The following NDUFB4 variants were observed in gnomAD, a reference collection of about 807,000 sequenced individuals.
NDUFB4 encodes NADH:ubiquinone oxidoreductase subunit B4.
In NDUFB4, 10 loss-of-function variants were observed where a neutral mutation model predicts 14.5. That is an observed-to-expected ratio of 0.69 (90% CI 0.43 to 1.17). The LOEUF is 1.17. Among genes scored for constraint, NDUFB4 ranks in the 50% most tolerant of loss-of-function variants. The pLI is 0.00. For synonymous variants in NDUFB4, 65 were observed against 63.4 expected, an observed-to-expected ratio of 1.03 and a Z score of -0.12; for missense variants, 165 against 161.1, an observed-to-expected ratio of 1.02 and a Z score of -0.13.
At chr3:120,599,976 A>T (rs906659053) in intron 1 of NDUFB4, among the ~76,000 whole-genome samples, 15 of 151,604 alleles carry the variant, frequency 9.9e-5, no homozygotes, top group Admixed American at 9.2e-4. Flanking sequence ...CTTTCATTTT[A>T]ATGTGGTGTG....
intron 1 of NDUFB4, among the ~76,000 whole-genome samples, chr3:120,597,050 CTATATATATGCATATATATTTTATA>C (rs1559772874): frequency 6.9e-6 from 1 of 144,336 alleles, no homozygotes; most frequent in Non-Finnish European, 1.5e-5. Flanking sequence ...ATATTATATT[CTATATATATGCATATATATTTTATA>C]TATATATATA....
At position 120,601,865 on chromosome 3, in the gene NDUFB4, G is replaced by A. The variant is rs947294490; in HGVS notation, c.328-343G>A. ...TGGTGAATGATCTACTTAACAGAAA[G>A]GTAGTCCACATTTTCCCAGAAAGTG... On this transcript the variant is annotated intron_variant, in intron 2 of 2. Coordinates refer to ENST00000184266, the MANE Select transcript of NDUFB4 (RefSeq NM_004547.6). 35 of 1,053,184 alleles carry A rather than the reference G, an allele frequency of 3.3e-5. No individual in the cohort carries two copies. In the African/African-American group the frequency reaches 6.0e-4, roughly 18 times the overall value. 65.2% of individuals were successfully genotyped at this position (1,053,184 alleles called of 1,614,324 possible). A position where few individuals can be genotyped will look rare whatever the true frequency, so the allele number is the denominator to read the frequency against.
At position 120,601,159 on chromosome 3, in the gene NDUFB4, T is replaced by C. The variant is rs752893094; in HGVS notation, c.229T>C (p.Tyr77His). 6.2e-7 allele frequency: 1 copy of C among 1,614,092 alleles called. No individual in the cohort carries two copies. The highest frequency in any genetic ancestry group is 1.1e-5 in the South Asian group (1 of 91,060). Residue 77 changes from tyrosine (Y) to histidine (H), a missense_variant, in exon 2 of 3, where the codon TAT (tyrosine) becomes CAT (histidine). Transcript: ENST00000184266. Reference protein sequence around the residue: ...RWAYARTINVYPNFRPTPKNS... With the variant: ...RWAYARTINVHPNFRPTPKNS... Reference sequence around the variant, plus strand: ...GGCCTATGCAAGAACAATAAATGTCTATCCTAATTTCAGACCCACTCCTAA... The same window carrying C: ...GGCCTATGCAAGAACAATAAATGTCCATCCTAATTTCAGACCCACTCCTAA...
chr3:120,596,979 A>C (rs372844939), intron 1 of NDUFB4, among the ~76,000 whole-genome samples: 1 of 146,104 alleles, frequency 6.8e-6, no homozygotes, highest in Admixed American at 6.8e-5. Flanking sequence ...TATATATTCT[A>C]TATATATGCA....
chr3:120,601,841 G>C, intron 2 of NDUFB4: 1 of 1,035,014 alleles, frequency 9.7e-7, no homozygotes, highest in African/African-American at 1.7e-5. Flanking sequence ...TTGATTATCT[G>C]GTGAATGATC....
chr3:120,601,165 A>G lies in NDUFB4; in HGVS notation c.235A>G (p.Asn79Asp). The G allele has an allele frequency of 6.2e-7, 1 of 1,613,996 alleles. No homozygotes were observed. Among genetic ancestry groups the G allele is most frequent in the Non-Finnish European group, 8.5e-7 (1 of 1,179,984 alleles). Reference protein sequence around the residue: ...AYARTINVYPNFRPTPKNSLM... With the variant: ...AYARTINVYPDFRPTPKNSLM... ...TGCAAGAACAATAAATGTCTATCCT[A>G]ATTTCAGACCCACTCCTAAAAACTC... The change falls in exon 2 of 3, where the codon AAT (asparagine) becomes GAT (aspartate). Residue 79 changes from asparagine to aspartate, a missense_variant. By Grantham distance (23) the Asn-to-Asp change is conservative (BLOSUM62 1). Transcript: ENST00000184266.
Position 120,596,532 on chromosome 3 carries a change from G to T in NDUFB4, c.173G>T (p.Gly58Val), listed in dbSNP as rs778211150. Residue 58 changes from glycine (G) to valine (V), a missense_variant, in exon 1 of 3, where the codon GGG becomes GTG. Physicochemically the swap from Gly to Val is moderately radical, Grantham distance 109. Transcript: ENST00000184266. Reference sequence around the variant, plus strand: ...CAGTACAACGATCCCAACCGCCGAGGGCTCATCGTGAGTGTGGGGCCTCCC... The same window carrying T: ...CAGTACAACGATCCCAACCGCCGAGTGCTCATCGTGAGTGTGGGGCCTCCC... The part of the protein sequence containing the change: ...LLQYNDPNRR[G>V]LIENPALLRW... The T allele has an allele frequency of 2.5e-6, 4 of 1,613,536 alleles. No individual in the cohort carries two copies. The Admixed American group carries it at 6.7e-5, about 27-fold the overall frequency.
intron 1 of NDUFB4, among the ~76,000 whole-genome samples, chr3:120,599,448 G>A (rs937906713): frequency 6.6e-6 from 1 of 152,064 alleles, no homozygotes; most frequent in Non-Finnish European, 1.5e-5. Context: ...TAAGAGATTG[G>A]GGAGATGAGG....
intron 2 of NDUFB4, 46 bp from the exon 3 acceptor site, chr3:120,602,161 CT>C (rs746396040): frequency 1.3e-6 from 2 of 1,584,938 alleles, no homozygotes; most frequent in Non-Finnish European, 1.7e-6. Flanking sequence ...ATATAGCCAA[CT>C]GGCAGAATAT....
At position 120,596,401 on chromosome 3, in the gene NDUFB4, G is replaced by C; in HGVS notation, c.42G>C (p.Leu14=). The change falls in exon 1 of 3, where the codon CTG becomes CTC. Residue 14 remains leucine (L), a synonymous_variant. Transcript: ENST00000184266. ...PKYKPSSLRT[L]PETLDPAEYN... ...ATAAGCCGTCGAGCCTGCGCACTCT[G>C]CCTGAGACCCTCGACCCAGCCGAAT... The C allele has an allele frequency of 6.2e-7, 1 of 1,614,184 alleles. No individual in the cohort carries two copies.
rs765954507 is a variant in NDUFB4 at position 120,596,393 on chromosome 3, C to T, written c.34C>T (p.Arg12Cys). Residue 12 changes from arginine (R) to cysteine (C), a missense_variant, in exon 1 of 3, where the codon CGC (arginine) becomes TGC (cysteine). Arg to Cys is a radical substitution (Grantham distance 180). Transcript: ENST00000184266. ...CCCAAAGTATAAGCCGTCGAGCCTGCGCACTCTGCCTGAGACCCTCGACCC... is the reference window on the plus strand; with the variant it reads ...CCCAAAGTATAAGCCGTCGAGCCTGTGCACTCTGCCTGAGACCCTCGACCC... ...SFPKYKPSSL[R>C]TLPETLDPAE... The T allele has an allele frequency of 1.9e-6, 3 of 1,614,168 alleles. No homozygotes were observed. The highest frequency in any genetic ancestry group is 1.1e-5 in the South Asian group (1 of 91,074).
intron 1 of NDUFB4, among the ~76,000 whole-genome samples, chr3:120,597,017 A>C (rs1323105553): frequency 4.9e-5 from 7 of 143,362 alleles, no homozygotes; most frequent in Admixed American, 1.4e-4. Context: ...ATATATGCAT[A>C]TATATTTTAT....
intron 1 of NDUFB4, 45 bp from the exon 2 acceptor site, chr3:120,601,066 T>G (rs1467148290): frequency 6.5e-7 from 1 of 1,537,712 alleles, no homozygotes; most frequent in Non-Finnish European, 8.9e-7. Flanking sequence ...TTTCTCAATG[T>G]GATCCTTCTT....
chr3:120,601,326 CT>C lies in NDUFB4; in HGVS notation c.327+71del, dbSNP rs369077316. 111 of 1,597,624 alleles carry C rather than the reference CT, an allele frequency of 6.9e-5. No homozygotes were observed. In the South Asian group the frequency reaches 1.2e-3, roughly 17 times the overall value. On this transcript the variant is annotated intron_variant, in intron 2 of 2. Transcript: ENST00000184266. ...ACTTTCTAGGGACCAGCTGCAGCTC[CT>C]TCTCTTGAAGATTGCCACCAGTGCC...
intron 1 of NDUFB4, among the ~76,000 whole-genome samples, chr3:120,597,971 C>T (rs1219341809): frequency 1.3e-5 from 2 of 152,048 alleles, no homozygotes; most frequent in Non-Finnish European, 2.9e-5. Flanking sequence ...GTAATACTAC[C>T]AGTCTCTTTG....
intron 1 of NDUFB4, among the ~76,000 whole-genome samples, chr3:120,598,586 AGT>A (rs1940006301): frequency 1.3e-5 from 2 of 152,074 alleles, no homozygotes; most frequent in Non-Finnish European, 2.9e-5. Context: ...GGAGATTTGG[AGT>A]GTGTGTAAGT....
At position 120,601,137 on chromosome 3, in the gene NDUFB4, C is replaced by T. The variant is rs1374610197; in HGVS notation, c.207C>T (p.Ala69=). The change falls in exon 2 of 3, where the codon GCC becomes GCT. Residue 69 remains alanine (A), a synonymous_variant. Transcript: ENST00000184266. Reference sequence around the variant, plus strand: ...AAAATCCTGCCTTGCTTCGTTGGGCCTATGCAAGAACAATAAATGTCTATC... The same window carrying T: ...AAAATCCTGCCTTGCTTCGTTGGGCTTATGCAAGAACAATAAATGTCTATC... ...LIENPALLRW[A]YARTINVYPN... The T allele has an allele frequency of 1.2e-6, 2 of 1,613,082 alleles. No homozygotes were observed. Among genetic ancestry groups the T allele is most frequent in the Admixed American group, 1.7e-5 (1 of 59,780 alleles).
intron 1 of NDUFB4, 67 bp from the exon 2 acceptor site, chr3:120,601,044 C>A (rs912360330): frequency 1.4e-6 from 2 of 1,410,088 alleles, no homozygotes; most frequent in African/African-American, 1.4e-5. Context: ...CACAAAAGTC[C>A]CTATGAATTT....
chr3:120,600,121 G>GTT lies in NDUFB4; in HGVS notation c.181-976_181-975dup, dbSNP rs535359141. The stretch of plus-strand genomic sequence containing the variant: ...TTTCCATCATAAGGTTTTTTTTTTT[G>GTT]TTTTTTTTTTTTTTTAAACTTCTGA... On this transcript the variant is annotated intron_variant, in intron 1 of 2. Transcript: ENST00000184266. 9.3e-3 allele frequency among the ~76,000 whole-genome samples: 1,092 copies of GTT among 117,952 alleles called. 20 individuals are homozygous for GTT. The highest frequency in any genetic ancestry group is 0.031 in the African/African-American group (1,032 of 33,378). The allele number at this position is 117,952 out of a possible 152,430, so 77.4% of individuals were successfully genotyped here.
Sources: gnomAD v4.1 joint callset for allele counts (sites outside exome capture counted in the v4.1 genomes callset) on GRCh38, gnomAD v4.1.1 for gene constraint, MANE v1.5 for transcripts, NCBI Gene and HGNC (gene_info 2026-07-23, HGNC 2026-07-21) for gene names.